The following LINGO2 variants were observed in gnomAD, a reference collection of about 807,000 sequenced individuals.
LINGO2 encodes leucine-rich repeat and immunoglobulin-like domain-containing nogo receptor-interacting protein 2.
LINGO2 carries 14 observed loss-of-function variants against 30.6 expected under a neutral mutation model. That is an observed-to-expected ratio of 0.46 (90% CI 0.30 to 0.72). LINGO2 has a LOEUF of 0.72. Ranked by LOEUF, LINGO2 falls within the 30% of genes least tolerant of loss-of-function variation. LINGO2 has a pLI of 0.07. For missense variants in LINGO2, 729 were observed against 751.7 expected (o/e 0.97, Z 0.35); for synonymous variants, 317 against 288.5 (o/e 1.10, Z -1.00).
intron 1 of LINGO2, among the ~76,000 whole-genome samples, chr9:28,581,090 T>C (rs570100454): frequency 1.3e-5 from 2 of 151,882 alleles, no homozygotes; most frequent in African/African-American, 2.4e-5. Context: ...TAACCAGTAG[T>C]GGGTAAGAAG....
At chr9:29,171,975 T>C in the LINGO2 span, among the ~76,000 whole-genome samples, 3 of 151,932 alleles carry the variant, frequency 2.0e-5, no homozygotes, top group Non-Finnish European at 4.4e-5. Flanking sequence ...CTCATTTTCC[T>C]TTCAAATAAA....
At chr9:28,236,285 G>A (rs1367993119) in intron 4 of LINGO2, among the ~76,000 whole-genome samples, 1 of 152,130 alleles carries the variant, frequency 6.6e-6, no homozygotes, top group African/African-American at 2.4e-5. Context: ...CAAAAGCTGA[G>A]AGATTTCATC....
chr9:28,758,674 G>T, the LINGO2 span, among the ~76,000 whole-genome samples: 14 of 152,050 alleles, frequency 9.2e-5, 1 homozygote, highest in African/African-American at 3.1e-4. Flanking sequence ...ATGGTTTCAA[G>T]AAATTATTTA....
intron 1 of LINGO2, among the ~76,000 whole-genome samples, chr9:28,653,535 T>C (rs1358268386): frequency 6.6e-6 from 1 of 152,142 alleles, no homozygotes; most frequent in East Asian, 1.9e-4. Flanking sequence ...AAAAATTTAA[T>C]CAACCAGTAC....
the LINGO2 span, among the ~76,000 whole-genome samples, chr9:28,694,254 T>C: frequency 6.6e-6 from 1 of 151,940 alleles, no homozygotes; most frequent in Non-Finnish European, 1.5e-5. Context: ...TAAAATATAG[T>C]AGACAAATGT....
the LINGO2 span, among the ~76,000 whole-genome samples, chr9:28,756,328 C>G: frequency 6.6e-6 from 1 of 152,000 alleles, no homozygotes; most frequent in Middle Eastern, 3.2e-3. Flanking sequence ...GGAACATTAA[C>G]CCAATGCCTG....
intron 4 of LINGO2, among the ~76,000 whole-genome samples, chr9:28,074,868 T>G (rs1284706576): frequency 6.6e-6 from 1 of 151,834 alleles, no homozygotes; most frequent in African/African-American, 2.4e-5. Flanking sequence ...GTGATAGGAG[T>G]GGGGAATAAA....
At chr9:28,383,263 T>C (rs1449426312) in intron 2 of LINGO2, among the ~76,000 whole-genome samples, 14 of 148,948 alleles carry the variant, frequency 9.4e-5, no homozygotes, top group African/African-American at 3.3e-4. Flanking sequence ...ATTGTGTGTG[T>C]GTGTGTGTGT....
At chr9:28,719,803 T>A in the LINGO2 span, among the ~76,000 whole-genome samples, 829 of 152,180 alleles carry the variant, frequency 5.4e-3, 10 homozygotes, top group African/African-American at 0.019. Context: ...GAAATCAGCA[T>A]TTTAAACTCA....
intron 1 of LINGO2, among the ~76,000 whole-genome samples, chr9:28,587,012 T>C (rs1276844187): frequency 6.6e-6 from 1 of 152,010 alleles, no homozygotes. Context: ...TTTATATAGT[T>C]ATAGACAGAT....
chr9:29,085,307 AAAAAG>A, the LINGO2 span, among the ~76,000 whole-genome samples: 1 of 121,438 alleles, frequency 8.2e-6, no homozygotes, highest in African/African-American at 3.1e-5. Flanking sequence ...AAAAAAAAAA[AAAAAG>A]AATAAATTAA....
At chr9:28,022,381 T>G (rs1823172853) in intron 4 of LINGO2, among the ~76,000 whole-genome samples, 1 of 152,056 alleles carries the variant, frequency 6.6e-6, no homozygotes, top group Non-Finnish European at 1.5e-5. Context: ...AAATAAAATT[T>G]TATCCTTCCT....
chr9:28,671,879 A>G (rs986137786), upstream of LINGO2, among the ~76,000 whole-genome samples: 13 of 152,162 alleles, frequency 8.5e-5, no homozygotes, highest in Non-Finnish European at 1.9e-4. Flanking sequence ...TTTCCTTATC[A>G]CAGGAGAAGT....
At chr9:28,393,985 C>A (rs1415027760) in intron 2 of LINGO2, among the ~76,000 whole-genome samples, 1 of 134,192 alleles carries the variant, frequency 7.5e-6, no homozygotes, top group Admixed American at 7.8e-5. Context: ...TGGTTGATAA[C>A]TTGTACTAAC....
intron 4 of LINGO2, among the ~76,000 whole-genome samples, chr9:28,219,683 G>A (rs1473204727): frequency 6.6e-6 from 1 of 152,036 alleles, no homozygotes; most frequent in Non-Finnish European, 1.5e-5. Context: ...GAATTCGTAG[G>A]TTTATACCCT....
Position 28,079,000 on chromosome 9 carries a change from C to T in LINGO2, c.-86-66595G>A, listed in dbSNP as rs1000844234. 1.8e-4 allele frequency among the ~76,000 whole-genome samples: 26 copies of T among 148,488 alleles called. 4 individuals carry two copies. Among genetic ancestry groups the T allele is most frequent in the African/African-American group, 6.6e-4 (25 of 38,008 alleles). On this transcript the variant is annotated intron_variant, in intron 4 of 5. Transcript: ENST00000379992. ...TTTGATATATACATAACTGGTGGTA[C>T]CCAAAGAGAGGTGTGATGTCTAACA...
At chr9:28,467,601 T>C (rs1311876213) in intron 2 of LINGO2, among the ~76,000 whole-genome samples, 1 of 152,188 alleles carries the variant, frequency 6.6e-6, no homozygotes, top group Non-Finnish European at 1.5e-5. Context: ...AACAACAAAC[T>C]GATTAAAACT....
At chr9:28,832,128 A>G in the LINGO2 span, among the ~76,000 whole-genome samples, 1 of 152,280 alleles carries the variant, frequency 6.6e-6, no homozygotes, top group African/African-American at 2.4e-5. Flanking sequence ...GTGAATTTAA[A>G]TTTGATTTTT....
At chr9:28,070,069 G>A (rs745556130) in intron 4 of LINGO2, among the ~76,000 whole-genome samples, 13 of 152,114 alleles carry the variant, frequency 8.5e-5, no homozygotes, top group African/African-American at 9.7e-5. Context: ...GTCACACAGC[G>A]CTCTGACCAG....
Sources: gnomAD v4.1 joint callset for allele counts (sites outside exome capture counted in the v4.1 genomes callset) on GRCh38, gnomAD v4.1.1 for gene constraint, MANE v1.5 for transcripts, NCBI Gene and HGNC (gene_info 2026-07-23, HGNC 2026-07-21) for gene names.